Variants in CTNNA3 observed in about 807,000 individuals in gnomAD.
The protein encoded by CTNNA3 is catenin alpha-3.
A neutral mutation model predicts 95.7 loss-of-function variants in CTNNA3; 76 were observed. The ratio of observed to expected loss-of-function variants is 0.79; its 90% CI spans 0.66 to 0.96. The LOEUF is 0.96. CTNNA3 is among the 40% of genes least tolerant of loss of function. CTNNA3 has a pLI of 0.00. For missense variants in CTNNA3, 1,191 were observed against 1,089.8 expected (o/e 1.09, Z -1.31); for synonymous variants, 431 against 374.4 (o/e 1.15, Z -1.74).
At chr10:67,526,742 A>C (rs1840156897) in intron 4 of CTNNA3, among the ~76,000 whole-genome samples, 1 of 152,246 alleles carries the variant, frequency 6.6e-6, no homozygotes, top group Admixed American at 6.5e-5. Context: ...ATCTAGCTTT[A>C]TAGGTTACTG....
At position 66,384,591 on chromosome 10, in the gene CTNNA3, C is replaced by T. The variant is rs533057251; in HGVS notation, c.1532-5239G>A. On this transcript the variant is annotated intron_variant, in intron 11 of 17. Transcript: ENST00000433211. ...GAACTCAGCTCTGCAACAGGCAGAC[C>T]TAATAGACATCTACAGAACTCTCCA... Among the ~76,000 whole-genome samples, 6 of 152,270 alleles carry T rather than the reference C, an allele frequency of 3.9e-5. No individual in the cohort carries two copies. The South Asian group carries it at 1.2e-3, about 32-fold the overall frequency.
intron 11 of CTNNA3, among the ~76,000 whole-genome samples, chr10:66,409,358 C>G (rs1164318583): frequency 1.3e-5 from 2 of 151,866 alleles, no homozygotes; most frequent in African/African-American, 2.4e-5. Flanking sequence ...CACCTCATCT[C>G]ATCCTCTTCA....
At chr10:65,932,654 T>C (rs1392107511) in intron 17 of CTNNA3, among the ~76,000 whole-genome samples, 3 of 152,130 alleles carry the variant, frequency 2.0e-5, no homozygotes, top group African/African-American at 7.2e-5. Flanking sequence ...AAGGAAATAT[T>C]TTGTAGCTCA....
At chr10:67,333,034 T>C (rs969645264) in intron 5 of CTNNA3, among the ~76,000 whole-genome samples, 2 of 152,300 alleles carry the variant, frequency 1.3e-5, no homozygotes, top group African/African-American at 4.8e-5. Context: ...CAGTTTTAGA[T>C]AGTAAAGATC....
At chr10:66,295,434 G>A (rs1176496256) in intron 12 of CTNNA3, among the ~76,000 whole-genome samples, 2 of 152,162 alleles carry the variant, frequency 1.3e-5, no homozygotes, top group Non-Finnish European at 1.5e-5. Flanking sequence ...GGGACTCAGT[G>A]TATTTCCCTG....
Position 66,229,191 on chromosome 10 carries a change from T to C in CTNNA3, c.1884+51279A>G, listed in dbSNP as rs75106575. 3.1e-3 allele frequency among the ~76,000 whole-genome samples: 475 copies of C among 152,346 alleles called. 5 individuals carry two copies. The highest frequency in any genetic ancestry group is 0.011 in the African/African-American group (455 of 41,588). On this transcript the variant is annotated intron_variant, in intron 13 of 17. Transcript: ENST00000433211. Reference sequence around the variant, plus strand: ...GTTCTTTTGTTAATTGTTTACTGGTTGTGTTGTAAACCCTTTGTTTTCTTC... The same window carrying C: ...GTTCTTTTGTTAATTGTTTACTGGTCGTGTTGTAAACCCTTTGTTTTCTTC...
chr10:66,299,356 T>C (rs12217514), intron 12 of CTNNA3, among the ~76,000 whole-genome samples: 8,174 of 152,214 alleles, frequency 0.054, 439 homozygotes, highest in African/African-American at 0.13. Flanking sequence ...GGATTAAATA[T>C]AGTTAAAAAA....
At chr10:66,658,410 T>C (rs1244710401) in intron 9 of CTNNA3, among the ~76,000 whole-genome samples, 2 of 152,156 alleles carry the variant, frequency 1.3e-5, no homozygotes, top group African/African-American at 4.8e-5. Context: ...GATGTGATAA[T>C]CAAGATTATG....
At chr10:66,603,105 A>G (rs563573756) in intron 10 of CTNNA3, among the ~76,000 whole-genome samples, 1 of 152,230 alleles carries the variant, frequency 6.6e-6, no homozygotes, top group South Asian at 2.1e-4. Flanking sequence ...AACTAGGCAA[A>G]AGAAACAAAG....
At chr10:66,944,890 C>CT (rs945450316) in intron 7 of CTNNA3, among the ~76,000 whole-genome samples, 9 of 152,182 alleles carry the variant, frequency 5.9e-5, no homozygotes, top group East Asian at 1.9e-4. Flanking sequence ...TGAAAGGAAT[C>CT]TTTTTTTAGC....
At chr10:66,328,933 TACACACACAC>T (rs767852399) in intron 12 of CTNNA3, among the ~76,000 whole-genome samples, 11 of 115,382 alleles carry the variant, frequency 9.5e-5, no homozygotes, top group South Asian at 3.0e-4. Flanking sequence ...TATATATATA[TACACACACAC>T]ATATAAATAT....
intron 7 of CTNNA3, among the ~76,000 whole-genome samples, chr10:67,005,923 T>C (rs970887517): frequency 6.6e-6 from 1 of 151,836 alleles, no homozygotes; most frequent in Non-Finnish European, 1.5e-5. Context: ...TGTTCTCAGG[T>C]GACCTGCCTG....
chr10:67,672,929 G>C (rs1840465822), intron 1 of CTNNA3, among the ~76,000 whole-genome samples: 1 of 151,956 alleles, frequency 6.6e-6, no homozygotes, highest in Non-Finnish European at 1.5e-5. Flanking sequence ...GGATGGCATT[G>C]AATCTATAAA....
chr10:66,230,879 C>G (rs546978621), intron 13 of CTNNA3, among the ~76,000 whole-genome samples: 12 of 152,254 alleles, frequency 7.9e-5, no homozygotes, highest in African/African-American at 2.6e-4. Flanking sequence ...AAAGTTACAG[C>G]TGCACCACTA....
rs1366940678 is a variant in CTNNA3 at position 66,354,630 on chromosome 10, C to G, written c.1732+24522G>C. Among the ~76,000 whole-genome samples, 4 of 151,958 alleles carry G rather than the reference C, an allele frequency of 2.6e-5. No individual in the cohort carries two copies. The East Asian group carries it at 7.7e-4, about 29-fold the overall frequency. Reference sequence around the variant, plus strand: ...GAAAATGCCTCCTCTTTTTGCCATCCTCTTCACTTGGGTAACGTCCTTAGC... The same window carrying G: ...GAAAATGCCTCCTCTTTTTGCCATCGTCTTCACTTGGGTAACGTCCTTAGC... On this transcript the variant is annotated intron_variant, in intron 12 of 17. Transcript: ENST00000433211.
chr10:67,496,102 G>A (rs1413660790), intron 5 of CTNNA3, among the ~76,000 whole-genome samples: 1 of 152,172 alleles, frequency 6.6e-6, no homozygotes, highest in Non-Finnish European at 1.5e-5. Flanking sequence ...CTAGTAGAAA[G>A]TATTTACATA....
chr10:66,238,389 G>A (rs1027338831), intron 13 of CTNNA3, among the ~76,000 whole-genome samples: 3 of 151,886 alleles, frequency 2.0e-5, no homozygotes, highest in Non-Finnish European at 2.9e-5. Flanking sequence ...TTTATTTTAT[G>A]AGAAATCTAG....
intron 7 of CTNNA3, chr10:67,097,472 A>G: frequency 2.4e-6 from 2 of 842,760 alleles, no homozygotes; most frequent in Non-Finnish European, 1.9e-6. Flanking sequence ...CCTGGGCCAC[A>G]GGGCCACAGA....
chr10:66,356,130 T>G (rs1364283116), intron 12 of CTNNA3, among the ~76,000 whole-genome samples: 12 of 145,076 alleles, frequency 8.3e-5, no homozygotes, highest in Admixed American at 2.8e-4. Context: ...TTGTTTTTTT[T>G]TTTTTTTTTT....
Sources: allele counts gnomAD v4.1 joint callset (sites outside exome capture counted in the v4.1 genomes callset), GRCh38; gene constraint gnomAD v4.1.1; transcripts MANE v1.5; gene names NCBI Gene and HGNC (gene_info 2026-07-23, HGNC 2026-07-21).